PCDHA2: variants seen among roughly 807,000 people sequenced by gnomAD.
The protein encoded by PCDHA2 is protocadherin alpha 2, also known as protocadherin alpha-2.
In PCDHA2, 58 loss-of-function variants were observed where a neutral mutation model predicts 66.0. The ratio of observed to expected loss-of-function variants is 0.88; its 90% CI spans 0.71 to 1.09. PCDHA2 has a LOEUF of 1.09. Among genes scored for constraint, PCDHA2 ranks in the 50% least tolerant of loss-of-function variants. The pLI is 0.00. For synonymous variants in PCDHA2, 634 were observed against 554.0 expected (o/e 1.14, Z -2.03); for missense variants, 1,267 against 1,242.3 (o/e 1.02, Z -0.30).
At chr5:140,988,366 G>A (rs1384658783) in intron 3 of PCDHA2, among the ~76,000 whole-genome samples, 2 of 152,122 alleles carry the variant, frequency 1.3e-5, no homozygotes, top group Non-Finnish European at 2.9e-5. Flanking sequence ...TTACTTTCTG[G>A]GGTTGTGAAA....
At chr5:140,802,033 A>C in intron 1 of PCDHA2, 4 of 1,614,214 alleles carry the variant, frequency 2.5e-6, no homozygotes, top group Non-Finnish European at 3.4e-6. Flanking sequence ...GATATCGCGT[A>C]TTCTTTCAAT....
chr5:140,809,641 T>C, intron 1 of PCDHA2: 1 of 1,502,504 alleles, frequency 6.7e-7, no homozygotes, highest in Non-Finnish European at 8.9e-7. Flanking sequence ...CGTAAATTTA[T>C]TTCTAAGAGT....
intron 1 of PCDHA2, among the ~76,000 whole-genome samples, chr5:140,895,742 G>T (rs2065139471): frequency 6.6e-6 from 1 of 152,110 alleles, no homozygotes; most frequent in South Asian, 2.1e-4. Context: ...GGGCTGCAAA[G>T]GGCATGATCT....
intron 3 of PCDHA2, among the ~76,000 whole-genome samples, chr5:141,002,755 T>A (rs894161079): frequency 1.3e-5 from 2 of 152,174 alleles, no homozygotes; most frequent in Non-Finnish European, 2.9e-5. Context: ...GACAACCCTG[T>A]GATGTAGACA....
intron 1 of PCDHA2, chr5:140,805,385 G>T: frequency 9.1e-7 from 1 of 1,102,172 alleles, no homozygotes. Context: ...AAAGTACTCT[G>T]GTTTCTGTTT....
intron 1 of PCDHA2, chr5:140,816,131 T>C (rs1255867956): frequency 2.6e-5 from 4 of 152,222 alleles, no homozygotes; most frequent in Non-Finnish European, 4.4e-5. Flanking sequence ...GAAACTGTCA[T>C]AATGAGTAGA....
chr5:140,856,274 G>T, intron 1 of PCDHA2: 1 of 1,598,358 alleles, frequency 6.3e-7, no homozygotes, highest in Non-Finnish European at 8.6e-7. Context: ...CCTTCTGGAG[G>T]TAAATCTGCA....
chr5:140,970,286 C>A (rs2096395973), intron 1 of PCDHA2, among the ~76,000 whole-genome samples: 2 of 152,174 alleles, frequency 1.3e-5, no homozygotes, highest in Admixed American at 6.5e-5. Context: ...GTAGCCTTTT[C>A]AAGTCCTTCA....
intron 1 of PCDHA2, chr5:140,822,166 A>C: frequency 6.2e-7 from 1 of 1,614,252 alleles, no homozygotes; most frequent in Non-Finnish European, 8.5e-7. Context: ...CAATCCGCCC[A>C]GGTTCTCCAG....
intron 1 of PCDHA2, among the ~76,000 whole-genome samples, chr5:140,909,538 A>T (rs1204423392): frequency 6.6e-6 from 1 of 152,148 alleles, no homozygotes; most frequent in East Asian, 1.9e-4. Context: ...TGAGTCCTTG[A>T]TGGTGGCACT....
chr5:140,823,130 C>T (rs2150122612), intron 1 of PCDHA2: 10 of 1,613,888 alleles, frequency 6.2e-6, no homozygotes, highest in African/African-American at 5.3e-5. Context: ...GACAACGCTC[C>T]GGCGTTCGCG....
intron 1 of PCDHA2, among the ~76,000 whole-genome samples, chr5:140,937,861 G>A (rs1159207693): frequency 6.6e-6 from 1 of 150,994 alleles, no homozygotes; most frequent in African/African-American, 2.4e-5. Context: ...GGAGTGAGCC[G>A]AGATCGCGCC....
chr5:140,819,074 A>G (rs1766485214), intron 1 of PCDHA2, among the ~76,000 whole-genome samples: 1 of 152,220 alleles, frequency 6.6e-6, no homozygotes, highest in Non-Finnish European at 1.5e-5. Flanking sequence ...CTCATTATAC[A>G]GGCAGCGCTA....
chr5:140,897,281 C>T lies in PCDHA2; in HGVS notation c.2389-81668C>T, dbSNP rs1583262674. On this transcript the variant is annotated intron_variant, in intron 1 of 3. Coordinates refer to ENST00000526136, the MANE Select transcript of PCDHA2 (RefSeq NM_018905.3). ...ATGTGCCATGCTGGTGTGCTGCACC[C>T]ATTAACTCGTCATTTAGCATTAGGT... Among the ~76,000 whole-genome samples, 6 of 151,664 alleles carry T rather than the reference C, an allele frequency of 4.0e-5. No homozygotes were observed. In the South Asian group the frequency reaches 1.2e-3, roughly 32 times the overall value.
intron 1 of PCDHA2, chr5:140,829,967 C>G: frequency 6.2e-7 from 1 of 1,613,994 alleles, no homozygotes; most frequent in Non-Finnish European, 8.5e-7. Flanking sequence ...TCGCGTGGGG[C>G]TGTACACGGG....
chr5:140,943,522 G>T (rs2093513187), intron 1 of PCDHA2, among the ~76,000 whole-genome samples: 1 of 152,144 alleles, frequency 6.6e-6, no homozygotes, highest in Non-Finnish European at 1.5e-5. Flanking sequence ...GTTGAGTTCA[G>T]TATGCAAAAT....
At chr5:140,988,600 T>C (rs962869761) in intron 3 of PCDHA2, among the ~76,000 whole-genome samples, 15 of 152,214 alleles carry the variant, frequency 9.9e-5, no homozygotes, top group Non-Finnish European at 1.8e-4. Context: ...AATGGTCATG[T>C]AAATAAAAGA....
chr5:140,959,000 G>A (rs1239762631), intron 1 of PCDHA2, among the ~76,000 whole-genome samples: 1 of 151,884 alleles, frequency 6.6e-6, no homozygotes, highest in Admixed American at 6.6e-5. Flanking sequence ...ATCTTTTACT[G>A]TACCTAATTT....
At chr5:140,864,890 G>T (rs1554159190) in intron 1 of PCDHA2, 1 of 152,170 alleles carries the variant, frequency 6.6e-6, no homozygotes, top group Non-Finnish European at 1.5e-5. Context: ...TCATTAAGCT[G>T]CATGGTCTTC....
Sources: allele counts gnomAD v4.1 joint callset (sites outside exome capture counted in the v4.1 genomes callset), GRCh38; gene constraint gnomAD v4.1.1; transcripts MANE v1.5; gene names NCBI Gene and HGNC (gene_info 2026-07-23, HGNC 2026-07-21).